JMJD1C: variants seen among roughly 807,000 people sequenced by gnomAD.
The protein encoded by JMJD1C is jumonji domain containing 1C, also known as jumonji domain-containing protein 1C.
Under a neutral mutation model 245.3 loss-of-function variants are expected in JMJD1C, and 31 were observed. The ratio of observed to expected loss-of-function variants is 0.13; its 90% CI spans 0.09 to 0.17. JMJD1C has a LOEUF of 0.17. JMJD1C is among the 10% of genes least tolerant of loss of function. The pLI, the probability that JMJD1C is intolerant of heterozygous loss-of-function variation, is 1.00. For missense variants in JMJD1C, 2,691 were observed against 3,000.2 expected (o/e 0.90, Z 2.41); for synonymous variants, 1,057 against 1,017.4 (o/e 1.04, Z -0.74).
intron 1 of JMJD1C, among the ~76,000 whole-genome samples, chr10:63,456,737 T>C (rs1314938068): frequency 6.6e-6 from 1 of 152,076 alleles, no homozygotes; most frequent in Non-Finnish European, 1.5e-5. Context: ...ACGTTCAAAA[T>C]ACATAATTTT....
rs369966802 is a variant in JMJD1C at position 63,478,276 on chromosome 10, G to A, written n.113+43462C>T. On this transcript the variant is annotated intron_variant and non_coding_transcript_variant, in intron 1 of 3. Coordinates refer to the JMJD1C transcript ENST00000633035. ...TATGACCCAGCAATCCCACTTTTAG[G>A]TATTTACCCAAGTGAAATAAAAACC... 6.6e-5 allele frequency among the ~76,000 whole-genome samples: 10 copies of A among 152,186 alleles called. 1 individual carries two copies. The highest frequency in any genetic ancestry group is 2.4e-4 in the African/African-American group (10 of 41,502).
chr10:63,493,562 G>A (rs968460842), intron 1 of JMJD1C, among the ~76,000 whole-genome samples: 10 of 152,044 alleles, frequency 6.6e-5, no homozygotes, highest in Admixed American at 3.9e-4. Context: ...GATTACAGGC[G>A]TGAGCCACCA....
At chr10:63,329,468 T>G (rs1371740294) in intron 2 of JMJD1C, among the ~76,000 whole-genome samples, 2 of 90,480 alleles carry the variant, frequency 2.2e-5, no homozygotes, top group African/African-American at 1.0e-4. Flanking sequence ...CAAAACTATC[T>G]CCATCAATTG....
intron 1 of JMJD1C, among the ~76,000 whole-genome samples, chr10:63,396,695 G>A (rs1209983303): frequency 1.3e-5 from 2 of 151,770 alleles, no homozygotes; most frequent in East Asian, 3.8e-4. Flanking sequence ...TCGTTTCCAG[G>A]GAAATGTTAG....
At chr10:63,278,881 T>C (rs1857101089) in intron 2 of JMJD1C, among the ~76,000 whole-genome samples, 1 of 151,388 alleles carries the variant, frequency 6.6e-6, no homozygotes, top group Non-Finnish European at 1.5e-5. Flanking sequence ...TAACCTGTGA[T>C]ATGTTATTCA....
chr10:63,378,741 T>C lies in JMJD1C; in HGVS notation c.333+1577A>G, dbSNP rs922970670. On this transcript the variant is annotated intron_variant, in intron 2 of 25. Coordinates refer to ENST00000399262, the MANE Select transcript of JMJD1C (RefSeq NM_032776.3). ...CACCTATACATCTAATTATTCATAA[T>C]TTCTCATAAATTGTATCCAGTTTTT... Among the ~76,000 whole-genome samples the C allele has an allele frequency of 3.3e-5, 5 of 152,218 alleles. No homozygotes were observed. The East Asian group carries it at 9.6e-4, about 29-fold the overall frequency.
chr10:63,295,959 ATGTGTG>A (rs370590868), intron 2 of JMJD1C, among the ~76,000 whole-genome samples: 1,354 of 89,718 alleles, frequency 0.015, 46 homozygotes, highest in East Asian at 0.053. Flanking sequence ...ATACACGTAT[ATGTGTG>A]TGTGTGTGTG....
intron 1 of JMJD1C, among the ~76,000 whole-genome samples, chr10:63,443,729 G>C (rs2132948684): frequency 6.6e-6 from 1 of 152,308 alleles, no homozygotes; most frequent in African/African-American, 2.4e-5. Context: ...CCAGAGGTTA[G>C]GTCATGGAGA....
At chr10:63,466,152 G>GGCGGCA (rs973491414), upstream of JMJD1C, 13 of 190,530 alleles carry the variant, frequency 6.8e-5, no homozygotes, top group East Asian at 1.0e-3. Flanking sequence ...CGGCGGCGGC[G>GGCGGCA]GCGGCAGCGG....
chr10:63,459,313 A>G (rs1426700488), intron 1 of JMJD1C, among the ~76,000 whole-genome samples: 1 of 152,242 alleles, frequency 6.6e-6, no homozygotes, highest in Non-Finnish European at 1.5e-5. Context: ...GATAAAGAAT[A>G]GTGGACCTAC....
At chr10:63,217,126 T>A in intron 5 of JMJD1C, 81 bp downstream of exon 5, 1 of 1,247,918 alleles carries the variant, frequency 8.0e-7, no homozygotes, top group Non-Finnish European at 1.1e-6. Context: ...TTATTTAGTA[T>A]CAAATTGTTG....
intron 1 of JMJD1C, among the ~76,000 whole-genome samples, chr10:63,393,376 G>C (rs1039149402): frequency 6.6e-6 from 1 of 152,094 alleles, no homozygotes; most frequent in Non-Finnish European, 1.5e-5. Context: ...CTATTAAAAA[G>C]ACAAAAAATA....
intron 2 of JMJD1C, among the ~76,000 whole-genome samples, chr10:63,291,442 C>T (rs899114001): frequency 2.6e-5 from 4 of 151,244 alleles, no homozygotes; most frequent in Admixed American, 6.6e-5. Flanking sequence ...TGTAAAACCC[C>T]GTCTCTACTA....
chr10:63,371,957 C>T (rs182385778), intron 2 of JMJD1C, among the ~76,000 whole-genome samples: 22 of 152,296 alleles, frequency 1.4e-4, no homozygotes, highest in African/African-American at 5.1e-4. Context: ...TATGTAAAAA[C>T]TCTTTAAATG....
rs1954902435 is a variant in JMJD1C, at chr10:63,512,557, TA to T, written n.113+9180del. Among the ~76,000 whole-genome samples the T allele has an allele frequency of 3.9e-5, 6 of 152,188 alleles. No homozygotes were observed. The South Asian group carries it at 1.2e-3, about 31-fold the overall frequency. ...TGCATGATTTCTGAGAAGTTGGATGTAATTTTTATCTTAGTTTCTCTATAGG... is the reference window on the plus strand; with the variant it reads ...TGCATGATTTCTGAGAAGTTGGATGTATTTTTATCTTAGTTTCTCTATAGG... On this transcript the variant is annotated intron_variant and non_coding_transcript_variant, in intron 1 of 3. Transcript: ENST00000633035.
chr10:63,217,172 A>G (rs1441218364), intron 5 of JMJD1C, 35 bp downstream of exon 5: 1 of 1,578,932 alleles, frequency 6.3e-7, no homozygotes, highest in African/African-American at 1.4e-5. Context: ...TTGAACTTTT[A>G]AAATCTCTAT....
intron 14 of JMJD1C, 115 bp downstream of exon 14, chr10:63,194,171 T>C: frequency 1.4e-6 from 1 of 718,574 alleles, no homozygotes. Context: ...AGCAAGACAA[T>C]TCAAAACTAG....
intron 3 of JMJD1C, among the ~76,000 whole-genome samples, chr10:63,241,182 G>A (rs543068687): frequency 6.6e-6 from 1 of 152,076 alleles, no homozygotes; most frequent in Non-Finnish European, 1.5e-5. Context: ...TTTGAAATAC[G>A]GATGCTCGAC....
intron 1 of JMJD1C, chr10:63,427,447 C>T: frequency 8.7e-7 from 1 of 1,150,268 alleles, no homozygotes; most frequent in Non-Finnish European, 1.3e-6. Context: ...CCAGAAACTG[C>T]TGTCCCAGCA....
Sources: gnomAD v4.1 joint callset for allele counts (sites outside exome capture counted in the v4.1 genomes callset) on GRCh38, gnomAD v4.1.1 for gene constraint, MANE v1.5 for transcripts, NCBI Gene and HGNC (gene_info 2026-07-23, HGNC 2026-07-21) for gene names.